The following SPATA13 variants were observed in gnomAD, a reference collection of about 807,000 sequenced individuals.
SPATA13 encodes the protein spermatogenesis-associated protein 13.
SPATA13 carries 50 observed loss-of-function variants against 104.0 expected under a neutral mutation model. The ratio of observed to expected loss-of-function variants is 0.48; its 90% CI spans 0.38 to 0.61. The LOEUF (loss-of-function observed/expected upper bound fraction) is 0.61, where lower values mean the gene tolerates loss of function less well. Among genes scored for constraint, SPATA13 ranks in the 20% least tolerant of loss-of-function variants. The probability of loss-of-function intolerance (pLI) is 0.00; values close to 1 mark genes in which losing one functional copy is unlikely to be tolerated. For synonymous variants in SPATA13, 606 were observed against 667.5 expected (o/e 0.91, Z 1.42); for missense variants, 1,524 against 1,690.6 (o/e 0.90, Z 1.73).
At chr13:24,247,612 A>G (rs551477978) in intron 2 of SPATA13, among the ~76,000 whole-genome samples, 23 of 149,814 alleles carry the variant, frequency 1.5e-4, no homozygotes, top group African/African-American at 5.6e-4. Context: ...CCCCCCAAGT[A>G]GCTGGGATTA....
At chr13:24,041,909 C>T (rs938505931) in intron 3 of SPATA13, among the ~76,000 whole-genome samples, 1 of 152,214 alleles carries the variant, frequency 6.6e-6, no homozygotes. Context: ...TGAGGCGTAA[C>T]GGTCAATTGG....
At chr13:23,997,768 A>G (rs1297782615) in intron 2 of SPATA13, among the ~76,000 whole-genome samples, 1 of 152,042 alleles carries the variant, frequency 6.6e-6, no homozygotes, top group Non-Finnish European at 1.5e-5. Flanking sequence ...GCCTCTATAA[A>G]CAACCAGCTC....
chr13:23,999,638 C>T (rs1179907400), intron 2 of SPATA13, among the ~76,000 whole-genome samples: 1 of 152,166 alleles, frequency 6.6e-6, no homozygotes, highest in African/African-American at 2.4e-5. Context: ...TGGAAACCTC[C>T]AGGCAATAAC....
At chr13:24,107,244 A>AG (rs1342492343) in intron 3 of SPATA13, among the ~76,000 whole-genome samples, 7 of 146,668 alleles carry the variant, frequency 4.8e-5, no homozygotes, top group Admixed American at 1.4e-4. Context: ...AGGCAAAAAA[A>AG]AAAAAAAAAA....
At chr13:24,017,429 C>T (rs901899939) in intron 2 of SPATA13, among the ~76,000 whole-genome samples, 2 of 152,126 alleles carry the variant, frequency 1.3e-5, no homozygotes, top group Non-Finnish European at 2.9e-5. Context: ...ATCTCTTGGG[C>T]AGAGCTTTTC....
intron 1 of SPATA13, among the ~76,000 whole-genome samples, chr13:24,190,971 G>A (rs1869700058): frequency 6.6e-6 from 1 of 152,058 alleles, no homozygotes; most frequent in Non-Finnish European, 1.5e-5. Context: ...CTCATTTTAA[G>A]AAATTGCCAC....
intron 3 of SPATA13, among the ~76,000 whole-genome samples, chr13:24,098,743 A>G (rs759279858): frequency 2.6e-5 from 4 of 152,184 alleles, no homozygotes; most frequent in Non-Finnish European, 2.9e-5. Flanking sequence ...CCTGGTCAAC[A>G]TGGTGAAACC....
chr13:24,263,354 G>A (rs1280061544), intron 4 of SPATA13, among the ~76,000 whole-genome samples: 3 of 152,218 alleles, frequency 2.0e-5, no homozygotes, highest in Non-Finnish European at 2.9e-5. Context: ...CACTTGGATT[G>A]TTAGGTGGGG....
chr13:24,153,419 A>G (rs2138473462), intron 3 of SPATA13, among the ~76,000 whole-genome samples: 1 of 152,316 alleles, frequency 6.6e-6, no homozygotes, highest in East Asian at 1.9e-4. Context: ...TGTTCTTGTC[A>G]GGTAGACAAG....
chr13:24,203,953 T>C (rs1364037344), intron 1 of SPATA13, among the ~76,000 whole-genome samples: 1 of 152,184 alleles, frequency 6.6e-6, no homozygotes, highest in Non-Finnish European at 1.5e-5. Flanking sequence ...TTAAGGAGTT[T>C]ATGGTCTAGT....
intron 3 of SPATA13, among the ~76,000 whole-genome samples, chr13:24,085,661 G>C (rs933100247): frequency 6.6e-6 from 1 of 152,178 alleles, no homozygotes; most frequent in Admixed American, 6.5e-5. Context: ...CATGTGGCCC[G>C]ACTCCCTTTC....
In SPATA13 at chr13:24,010,408, A is replaced by G. The variant is rs937281369; in HGVS notation, c.-146-7259A>G. On this transcript the variant is annotated intron_variant, in intron 2 of 14. Coordinates refer to the SPATA13 transcript ENST00000424834. The stretch of plus-strand genomic sequence containing the variant: ...AAATTCAGCAGAATTGTTTTAGGGT[A>G]AAGATCTTGAGGAGTTTCCTTGTGG... Among the ~76,000 whole-genome samples the G allele has an allele frequency of 3.3e-5, 5 of 151,736 alleles. No individual in the cohort carries two copies. In the East Asian group the frequency reaches 5.8e-4, roughly 18 times the overall value.
At chr13:24,247,190 A>G (rs1364022217) in intron 2 of SPATA13, among the ~76,000 whole-genome samples, 5 of 152,162 alleles carry the variant, frequency 3.3e-5, no homozygotes, top group Non-Finnish European at 7.4e-5. Flanking sequence ...TGGAGAGAGA[A>G]TTAAAGGTGG....
chr13:24,071,817 T>C (rs1879171228), intron 3 of SPATA13, among the ~76,000 whole-genome samples: 1 of 152,240 alleles, frequency 6.6e-6, no homozygotes, highest in Non-Finnish European at 1.5e-5. Flanking sequence ...GTTTTTATGT[T>C]AAGCAAAGTT....
At chr13:24,103,212 C>T (rs1285656287) in intron 3 of SPATA13, among the ~76,000 whole-genome samples, 1 of 152,170 alleles carries the variant, frequency 6.6e-6, no homozygotes, top group East Asian at 1.9e-4. Context: ...ATTGACCTCC[C>T]TACATATTCC....
rs1168914733 is a variant in SPATA13 at position 24,286,823 on chromosome 13, A to G, written c.2540A>G (p.Gln847Arg). 1.9e-6 allele frequency: 3 copies of G among 1,613,722 alleles called. No homozygotes were observed. The highest frequency in any genetic ancestry group is 1.7e-5 in the Admixed American group (1 of 60,012). Residue 847 changes from glutamine to arginine, a missense_variant, in exon 7 of 13, where the codon CAG becomes CGG. Physicochemically the swap from Gln to Arg is conservative, Grantham distance 43. Transcript: ENST00000382108. The surrounding 1 kb of genome is among the most constrained non-coding windows in gnomAD (Gnocchi z 4.9). The stretch of plus-strand genomic sequence containing the variant: ...TCCAGCAGCACCCCCAGTGAGGAGC[A>G]GGACGAGGAGGCCAGCCAGAGCCGC... ...ENSSSTPSEE[Q>R]DEEASQSRHR...
chr13:24,066,340 A>C (rs1454840340), intron 3 of SPATA13, among the ~76,000 whole-genome samples: 1 of 152,150 alleles, frequency 6.6e-6, no homozygotes, highest in Non-Finnish European at 1.5e-5. Context: ...TCTTTGAAAC[A>C]AGCATTTTTT....
At chr13:24,070,645 T>C (rs2137765315) in intron 3 of SPATA13, among the ~76,000 whole-genome samples, 1 of 152,360 alleles carries the variant, frequency 6.6e-6, no homozygotes. Context: ...AGAATGATTT[T>C]GGATGAGATT....
chr13:24,223,417 C>G lies in SPATA13; in HGVS notation c.488C>G (p.Pro163Arg). ...VPGAQASRGS[P>R]LAPGPACGAL... ...GGAGCCCAGGCAAGCAGGGGCTCCC[C>G]CTTAGCACCGGGACCAGCATGTGGT... Residue 163 changes from proline to arginine, a missense_variant, in exon 2 of 13, where the codon CCC becomes CGC. Transcript: ENST00000382108. The G allele has an allele frequency of 6.4e-7, 1 of 1,551,210 alleles. No individual in the cohort carries two copies. The highest frequency in any genetic ancestry group is 2.4e-5 in the East Asian group (1 of 40,910).
Sources: gnomAD v4.1 joint callset for allele counts (sites outside exome capture counted in the v4.1 genomes callset) on GRCh38, gnomAD v4.1.1 for gene constraint, Gnocchi (gnomAD v3.1) non-coding constraint, MANE v1.5 for transcripts, NCBI Gene and HGNC (gene_info 2026-07-23, HGNC 2026-07-21) for gene names.